Variants in DOCK10 observed in about 807,000 individuals in gnomAD.
The protein encoded by DOCK10 is dedicator of cytokinesis 10.
In DOCK10, 145 loss-of-function variants were observed where a neutral mutation model predicts 280.1. That is an observed-to-expected ratio of 0.52 (90% CI 0.45 to 0.59). The LOEUF is 0.59. Among genes scored for constraint, DOCK10 ranks in the 20% least tolerant of loss-of-function variants. The pLI, the probability that DOCK10 is intolerant of heterozygous loss-of-function variation, is 0.00. For missense variants in DOCK10, 2,368 were observed against 2,651.7 expected, an observed-to-expected ratio of 0.89 and a Z score of 2.35; for synonymous variants, 915 against 942.2, an observed-to-expected ratio of 0.97 and a Z score of 0.53.
intron 51 of DOCK10, among the ~76,000 whole-genome samples, chr2:224,777,317 G>C (rs978598214): frequency 2.0e-5 from 3 of 152,204 alleles, no homozygotes; most frequent in African/African-American, 7.2e-5. Context: ...CCGTGAGGGT[G>C]TCGCTAAAGG....
intron 1 of DOCK10, among the ~76,000 whole-genome samples, chr2:224,973,587 G>A (rs1379318692): frequency 1.3e-5 from 2 of 152,076 alleles, no homozygotes; most frequent in Non-Finnish European, 2.9e-5. Flanking sequence ...ATGCAGCTCT[G>A]CCAATTTTAG....
intron 22 of DOCK10, among the ~76,000 whole-genome samples, 166 bp from the exon 23 acceptor site, chr2:224,842,062 CCT>C (rs1696001696): frequency 6.6e-6 from 1 of 152,172 alleles, no homozygotes; most frequent in Non-Finnish European, 1.5e-5. Flanking sequence ...ACATTTCTGG[CCT>C]AGTGAAGGCT....
chr2:224,824,418 C>T (rs1187488204), intron 27 of DOCK10, among the ~76,000 whole-genome samples: 1 of 145,424 alleles, frequency 6.9e-6, no homozygotes, highest in Non-Finnish European at 1.5e-5. Flanking sequence ...GTTCTTCCAT[C>T]TCAGACTCTG....
At chr2:224,879,758 C>A (rs1213975788) in intron 7 of DOCK10, among the ~76,000 whole-genome samples, 38 of 146,862 alleles carry the variant, frequency 2.6e-4, no homozygotes. Context: ...GTCTCTGTCT[C>A]AAAATAAAAA....
At chr2:224,771,847 C>G (rs931746429) in intron 53 of DOCK10, among the ~76,000 whole-genome samples, 11 of 151,506 alleles carry the variant, frequency 7.3e-5, no homozygotes, top group Admixed American at 7.2e-4. Context: ...ATGGGGGACA[C>G]AGACAAGGGA....
chr2:224,823,281 C>T (rs951114604), intron 28 of DOCK10, among the ~76,000 whole-genome samples: 2 of 151,786 alleles, frequency 1.3e-5, no homozygotes, highest in Non-Finnish European at 2.9e-5. Flanking sequence ...CCATCGCGCC[C>T]GGCCTTCTAA....
In DOCK10 at chr2:224,852,934, C is replaced by A. The variant is rs1696851027; in HGVS notation, c.2076+1G>T. ...TGATATCTCTGGAACTTATATCATA[C>A]CTTGTTGAAGCATTTCTGGCTATCA... On this transcript the variant is annotated splice_donor_variant, in intron 17 of 55. Coordinates refer to ENST00000258390, the MANE Select transcript of DOCK10 (RefSeq NM_014689.3). LOFTEE classifies it high-confidence loss of function. 1 of 1,585,072 alleles carries A rather than the reference C, an allele frequency of 6.3e-7. No homozygotes were observed. Among genetic ancestry groups the A allele is most frequent in the Non-Finnish European group, 8.6e-7 (1 of 1,161,994 alleles).
chr2:225,023,796 G>A (rs1371486440), intron 1 of DOCK10, among the ~76,000 whole-genome samples: 1 of 152,136 alleles, frequency 6.6e-6, no homozygotes, highest in Non-Finnish European at 1.5e-5. Flanking sequence ...CCCATCCACA[G>A]TAATAACTGT....
intron 51 of DOCK10, among the ~76,000 whole-genome samples, chr2:224,775,501 G>C (rs779640877): frequency 6.6e-6 from 1 of 151,416 alleles, no homozygotes; most frequent in Non-Finnish European, 1.5e-5. Flanking sequence ...TTTGAGACAG[G>C]GTCTTGCTCT....
rs778295369 is a variant in DOCK10 at position 224,886,086 on chromosome 2, C to T, written c.589G>A (p.Val197Met). ...WLYKGNFNST[V>M]NNTVTVRSFK... ...ACCCGAACAGTAACGGTGTTGTTCA[C>T]GGTGCTGTTAAAATTCCCCTTGTAG... is the stretch of plus-strand genomic sequence containing the variant. The change falls in exon 6 of 56, where the codon GTG becomes ATG. Residue 197 changes from valine to methionine, a missense_variant. Physicochemically the swap from Val to Met is conservative, Grantham distance 21. This residue lies in a region of DOCK10 where 1,209 missense variants were observed against 1,250.9 expected (regional missense o/e 0.97). Transcript: ENST00000258390. 1.5e-5 allele frequency: 25 copies of T among 1,613,720 alleles called. No individual in the cohort carries two copies. The Middle Eastern group carries it at 4.9e-4, about 32-fold the overall frequency.
At chr2:225,010,610 A>G (rs1689405838) in intron 1 of DOCK10, 1 of 154,454 alleles carries the variant, frequency 6.5e-6, no homozygotes, top group Middle Eastern at 5.2e-4. Context: ...TGGGAAAGGG[A>G]ACGTAAGATC....
rs1259504432 is a variant in DOCK10 at position 224,985,367 on chromosome 2, T to C, written c.124-53699A>G. Among the ~76,000 whole-genome samples, 9 of 151,310 alleles carry C rather than the reference T, an allele frequency of 5.9e-5. 1 individual carries two copies. Among genetic ancestry groups the C allele is most frequent in the Admixed American group, 5.9e-4 (9 of 15,160 alleles). ...TTCATCCTGGGTCATTAATTATATA[T>C]TATATTATATCATATTATTGTATGT... On this transcript the variant is annotated intron_variant, in intron 1 of 55. Transcript: ENST00000258390.
At chr2:224,787,497 C>T (rs1295931689) in intron 48 of DOCK10, 100 bp from the exon 49 acceptor site, 3 of 1,450,402 alleles carry the variant, frequency 2.1e-6, no homozygotes, top group Admixed American at 1.9e-5. Context: ...ACTTTTCCCT[C>T]TGTTACTGGC....
intron 40 of DOCK10, among the ~76,000 whole-genome samples, chr2:224,800,731 T>C (rs546337938): frequency 6.6e-6 from 1 of 152,296 alleles, no homozygotes; most frequent in African/African-American, 2.4e-5. Context: ...AGAGTCAAAT[T>C]CTGTAAAATA....
At chr2:224,962,874 C>T (rs1486113059) in intron 1 of DOCK10, among the ~76,000 whole-genome samples, 4 of 152,106 alleles carry the variant, frequency 2.6e-5, no homozygotes, top group African/African-American at 9.7e-5. Context: ...AAGAGAATAA[C>T]AATTAGGCAG....
intron 41 of DOCK10, 60 bp downstream of exon 41, chr2:224,800,091 C>T (rs1208792555): frequency 8.9e-6 from 9 of 1,008,424 alleles, no homozygotes; most frequent in Non-Finnish European, 8.9e-6. Flanking sequence ...TTTGACTTCA[C>T]ATGGTTTTTC....
chr2:224,849,551 T>C lies in DOCK10; in HGVS notation c.2191A>G (p.Thr731Ala), dbSNP rs767883989. ...TTCTGAGAGTGGTGCAGAACTGCTG[T>C]GTAGGCGGCTGAGGTGAAGAGGGGC... ...GGPLFTSAAY[T>A]AVLHHSQNPD... The change falls in exon 19 of 56, where the codon ACA (threonine) becomes GCA (alanine). Residue 731 changes from threonine (T) to alanine (A), a missense_variant. By Grantham distance (58) the Thr-to-Ala change is moderately conservative. This residue lies in a region of DOCK10 where 1,209 missense variants were observed against 1,250.9 expected (regional missense o/e 0.97). Transcript: ENST00000258390. The C allele has an allele frequency of 2.0e-5, 32 of 1,612,238 alleles. No homozygotes were observed. The highest frequency in any genetic ancestry group is 2.5e-5 in the Non-Finnish European group (29 of 1,179,320).
chr2:224,821,582 T>C (rs575704814), intron 28 of DOCK10, among the ~76,000 whole-genome samples: 1 of 152,340 alleles, frequency 6.6e-6, no homozygotes, highest in Admixed American at 6.5e-5. Flanking sequence ...TTTTTTTTAA[T>C]ATTATGTGTC....
At position 224,835,663 on chromosome 2, in the gene DOCK10, G is replaced by A. The variant is rs532174130; in HGVS notation, c.2851-1400C>T. 3.3e-5 allele frequency among the ~76,000 whole-genome samples: 5 copies of A among 152,332 alleles called. 1 individual carries two copies. In the East Asian group the frequency reaches 7.7e-4, roughly 23 times the overall value. On this transcript the variant is annotated intron_variant, in intron 25 of 55. Transcript: ENST00000258390. ...TGTCACAGGAGAAAACTGAGGTTCAGAGAGGCTGACTGCTTAAGTCTAGAA... is the reference window on the plus strand; with the variant it reads ...TGTCACAGGAGAAAACTGAGGTTCAAAGAGGCTGACTGCTTAAGTCTAGAA...
Sources: gnomAD v4.1 joint callset for allele counts (sites outside exome capture counted in the v4.1 genomes callset) on GRCh38, gnomAD v4.1.1 for gene constraint, gnomAD v4.1.1 regional missense constraint, MANE v1.5 for transcripts, NCBI Gene and HGNC (gene_info 2026-07-23, HGNC 2026-07-21) for gene names.